Variants in DLG2 observed in about 807,000 individuals in gnomAD.
DLG2 encodes the protein disks large homolog 2.
Under a neutral mutation model 132.5 loss-of-function variants are expected in DLG2, and 45 were observed. That is an observed-to-expected ratio of 0.34 (90% confidence interval 0.27 to 0.44). DLG2 has a LOEUF of 0.44. DLG2 is among the 20% of genes least tolerant of loss of function. The pLI is 1.00. For synonymous variants in DLG2, 424 were observed against 419.6 expected (o/e 1.01, Z -0.13); for missense variants, 1,045 against 1,196.9 (o/e 0.87, Z 1.87).
intron 14 of DLG2, among the ~76,000 whole-genome samples, chr11:83,936,856 G>A (rs542592143): frequency 1.3e-5 from 2 of 152,246 alleles, no homozygotes; most frequent in East Asian, 3.9e-4. Flanking sequence ...TTTGGTATTG[G>A]GTGAGGGTGT....
At chr11:84,397,554 A>AT (rs1185291305) in intron 7 of DLG2, among the ~76,000 whole-genome samples, 1 of 152,136 alleles carries the variant, frequency 6.6e-6, no homozygotes, top group Non-Finnish European at 1.5e-5. Context: ...CTCTCTCTCT[A>AT]TTTTTTGGCA....
chr11:83,933,502 T>C (rs1382228098), intron 14 of DLG2, among the ~76,000 whole-genome samples: 1 of 152,250 alleles, frequency 6.6e-6, no homozygotes, highest in East Asian at 1.9e-4. Flanking sequence ...TATGGGTTTA[T>C]AATTGCAGGT....
intron 8 of DLG2, among the ~76,000 whole-genome samples, chr11:84,239,809 G>C (rs1197428200): frequency 1.3e-5 from 2 of 152,166 alleles, no homozygotes; most frequent in Admixed American, 6.5e-5. Context: ...GTTGAAATTA[G>C]AAATGATGAA....
At chr11:85,205,179 T>TAA (rs1491263876) in intron 4 of DLG2, among the ~76,000 whole-genome samples, 19 of 148,024 alleles carry the variant, frequency 1.3e-4, no homozygotes, top group African/African-American at 3.2e-4. Flanking sequence ...TATATATATA[T>TAA]AACAATGGAA....
At chr11:84,777,271 ATGTGTGTG>A (rs1168148650) in intron 6 of DLG2, among the ~76,000 whole-genome samples, 8 of 117,984 alleles carry the variant, frequency 6.8e-5, no homozygotes, top group African/African-American at 2.6e-4. Flanking sequence ...GTGTATGTAT[ATGTGTGTG>A]TGTATATATA....
At chr11:85,397,359 A>G (rs988612578) in intron 3 of DLG2, among the ~76,000 whole-genome samples, 1 of 152,188 alleles carries the variant, frequency 6.6e-6, no homozygotes, top group Non-Finnish European at 1.5e-5. Flanking sequence ...GATATGAAGA[A>G]ACTGCATCAA....
intron 6 of DLG2, among the ~76,000 whole-genome samples, chr11:84,754,044 A>C (rs1460347280): frequency 6.6e-6 from 1 of 152,302 alleles, no homozygotes; most frequent in East Asian, 1.9e-4. Flanking sequence ...GCTTAACCAA[A>C]GTGGGTGGAG....
At chr11:84,207,305 A>G (rs953409228) in intron 8 of DLG2, among the ~76,000 whole-genome samples, 2 of 152,064 alleles carry the variant, frequency 1.3e-5, no homozygotes, top group Non-Finnish European at 2.9e-5. Context: ...CCCAAAGTGT[A>G]TAAAGAAATA....
intron 3 of DLG2, among the ~76,000 whole-genome samples, chr11:85,445,502 AC>A (rs2091968483): frequency 6.6e-6 from 1 of 152,098 alleles, no homozygotes; most frequent in South Asian, 2.1e-4. Context: ...ACATGGTGAA[AC>A]CCCGTCTCTA....
intron 17 of DLG2, among the ~76,000 whole-genome samples, chr11:83,818,231 T>G (rs1440587324): frequency 1.3e-5 from 2 of 152,200 alleles, no homozygotes; most frequent in Non-Finnish European, 2.9e-5. Context: ...GGTGTCTTGT[T>G]GGTCTGGGCT....
intron 15 of DLG2, among the ~76,000 whole-genome samples, chr11:83,915,224 A>C (rs2076730039): frequency 6.6e-6 from 1 of 152,152 alleles, no homozygotes; most frequent in Non-Finnish European, 1.5e-5. Flanking sequence ...AATTCAGTGG[A>C]GGGCTGGGGG....
chr11:83,657,212 T>C lies in DLG2; in HGVS notation c.1826-23887A>G, dbSNP rs569621286. Among the ~76,000 whole-genome samples, 107 of 152,314 alleles carry C rather than the reference T, an allele frequency of 7.0e-4. 1 individual carries two copies. Among genetic ancestry groups the C allele is most frequent in the African/African-American group, 2.5e-3 (102 of 41,564 alleles). On this transcript the variant is annotated intron_variant, in intron 18 of 27. Coordinates refer to ENST00000376104, the MANE Select transcript of DLG2 (RefSeq NM_001142699.3). ...CCTAGTGCCTGGCATCATGAGTCAA[T>C]TGGATGGGCTAACAAAACAACAGAC...
At chr11:85,520,053 T>TTTA (rs1555170765) in intron 3 of DLG2, among the ~76,000 whole-genome samples, 2 of 151,890 alleles carry the variant, frequency 1.3e-5, no homozygotes, top group African/African-American at 4.8e-5. Flanking sequence ...TTTTTTTTTT[T>TTTA]TATATTTGGT....
intron 11 of DLG2, among the ~76,000 whole-genome samples, chr11:84,046,930 C>G (rs1034136579): frequency 6.6e-6 from 1 of 151,606 alleles, no homozygotes; most frequent in African/African-American, 2.4e-5. Context: ...TGACTGACAG[C>G]TTAGTGGCAT....
intron 7 of DLG2, among the ~76,000 whole-genome samples, chr11:84,364,832 G>T (rs1173722210): frequency 6.6e-6 from 1 of 152,086 alleles, no homozygotes; most frequent in Admixed American, 6.6e-5. Flanking sequence ...TGTGTATATT[G>T]AAGGAGCCTT....
intron 7 of DLG2, among the ~76,000 whole-genome samples, chr11:84,417,913 A>G (rs1449954956): frequency 6.6e-6 from 1 of 152,190 alleles, no homozygotes; most frequent in Non-Finnish European, 1.5e-5. Context: ...CTATCTCCCT[A>G]TCCCTTAACC....
At chr11:84,362,493 CTTTT>C (rs200253588) in intron 7 of DLG2, among the ~76,000 whole-genome samples, 5 of 146,544 alleles carry the variant, frequency 3.4e-5, no homozygotes, top group Non-Finnish European at 7.5e-5. Flanking sequence ...AAATAATCCT[CTTTT>C]TTTTTTAATA....
intron 16 of DLG2, among the ~76,000 whole-genome samples, chr11:83,865,363 C>T (rs566698870): frequency 6.7e-4 from 102 of 151,620 alleles, no homozygotes; most frequent in African/African-American, 2.3e-3. Context: ...TACAAAGCTG[C>T]TATTAGGATC....
intron 7 of DLG2, among the ~76,000 whole-genome samples, chr11:84,476,519 CCAAT>C (rs1274780365): frequency 1.3e-5 from 2 of 152,136 alleles, no homozygotes; most frequent in African/African-American, 4.8e-5. Context: ...TGACATTCAA[CCAAT>C]CAAACACCAA....
Sources: allele counts gnomAD v4.1 joint callset (sites outside exome capture counted in the v4.1 genomes callset), GRCh38; gene constraint gnomAD v4.1.1; transcripts MANE v1.5; gene names NCBI Gene and HGNC (gene_info 2026-07-23, HGNC 2026-07-21).